SLC4A4: variants seen among roughly 807,000 people sequenced by gnomAD.
SLC4A4 encodes the protein electrogenic sodium bicarbonate cotransporter 1.
Under a neutral mutation model 111.5 loss-of-function variants are expected in SLC4A4, and 27 were observed. That is an observed-to-expected ratio of 0.24 (90% confidence interval 0.18 to 0.33). SLC4A4 has a LOEUF of 0.33. Among genes scored for constraint, SLC4A4 ranks in the 10% least tolerant of loss-of-function variants. The pLI is 1.00. For synonymous variants in SLC4A4, 443 were observed against 463.4 expected (o/e 0.96, Z 0.57); for missense variants, 909 against 1,315.5 (o/e 0.69, Z 4.78).
chr4:71,546,549 A>C (rs1735537417), intron 19 of SLC4A4, 21 bp downstream of exon 19: 1 of 1,607,004 alleles, frequency 6.2e-7, no homozygotes, highest in Non-Finnish European at 8.5e-7. Flanking sequence ...TCAGAGGAAA[A>C]TGGCTCCCGA....
chr4:71,451,650 A>G (rs1725771559), intron 11 of SLC4A4, among the ~76,000 whole-genome samples: 1 of 152,110 alleles, frequency 6.6e-6, no homozygotes, highest in African/African-American at 2.4e-5. Context: ...GAATGGCAAC[A>G]TTTGAAGAAA....
chr4:71,343,078 C>T (rs761697172), intron 4 of SLC4A4, among the ~76,000 whole-genome samples: 2 of 152,150 alleles, frequency 1.3e-5, no homozygotes, highest in Non-Finnish European at 2.9e-5. Context: ...GAGAGACTAC[C>T]ATGTCTGTTC....
At chr4:71,262,249 C>T (rs1200437302) in intron 3 of SLC4A4, among the ~76,000 whole-genome samples, 1 of 152,136 alleles carries the variant, frequency 6.6e-6, no homozygotes, top group Non-Finnish European at 1.5e-5. Flanking sequence ...AACAAGGGTT[C>T]TTAATACCAG....
chr4:71,163,867 G>C (rs1325610146), intron 2 of SLC4A4, among the ~76,000 whole-genome samples: 1 of 152,138 alleles, frequency 6.6e-6, no homozygotes, highest in Non-Finnish European at 1.5e-5. Flanking sequence ...GGCAACCTCT[G>C]GTTTAAACTA....
chr4:71,314,460 A>T (rs1051871489), intron 3 of SLC4A4, among the ~76,000 whole-genome samples: 7 of 152,232 alleles, frequency 4.6e-5, no homozygotes, highest in Non-Finnish European at 8.8e-5. Flanking sequence ...ATAAAGACAC[A>T]TGCACACGTA....
intron 3 of SLC4A4, among the ~76,000 whole-genome samples, chr4:71,286,264 C>T (rs1723913119): frequency 6.6e-6 from 1 of 152,084 alleles, no homozygotes; most frequent in Non-Finnish European, 1.5e-5. Flanking sequence ...GATTTCTGGG[C>T]TTCACTCTCA....
intron 1 of SLC4A4, 47 bp from the exon 2 acceptor site, chr4:71,236,529 C>A: frequency 6.4e-7 from 1 of 1,565,958 alleles, no homozygotes; most frequent in Non-Finnish European, 8.8e-7. Flanking sequence ...AAGTGGCTCG[C>A]TCCAGGAGAA....
chr4:71,231,609 G>T (rs535343106), intron 1 of SLC4A4, among the ~76,000 whole-genome samples: 63 of 152,302 alleles, frequency 4.1e-4, no homozygotes, highest in Non-Finnish European at 7.8e-4. Flanking sequence ...GGCCCTGAGT[G>T]GATTTTATAC....
intron 7 of SLC4A4, among the ~76,000 whole-genome samples, chr4:71,405,189 G>A (rs867150598): frequency 4.0e-4 from 61 of 151,900 alleles, no homozygotes; most frequent in African/African-American, 1.1e-3. Flanking sequence ...AGAATTTTCT[G>A]ATTCAAAATA....
At chr4:71,527,945 T>A (rs955463160) in intron 16 of SLC4A4, among the ~76,000 whole-genome samples, 8 of 152,074 alleles carry the variant, frequency 5.3e-5, no homozygotes, top group African/African-American at 1.9e-4. Context: ...GTCTGAACTC[T>A]GGAACACTGC....
intron 17 of SLC4A4, among the ~76,000 whole-genome samples, chr4:71,533,472 T>A (rs1245916057): frequency 6.6e-6 from 1 of 152,106 alleles, no homozygotes; most frequent in African/African-American, 2.4e-5. Flanking sequence ...TCTATTTTAG[T>A]TTTTTATTTG....
chr4:71,394,994 T>G (rs1410772234), intron 6 of SLC4A4, among the ~76,000 whole-genome samples: 5 of 151,944 alleles, frequency 3.3e-5, no homozygotes, highest in African/African-American at 1.2e-4. Context: ...GGGTGATGAG[T>G]GCATCAAAAT....
chr4:71,102,794 C>T (rs1307218319), intron 2 of SLC4A4, among the ~76,000 whole-genome samples: 24 of 151,362 alleles, frequency 1.6e-4, no homozygotes, highest in Non-Finnish European at 2.8e-4. Context: ...AAGGAACAAC[C>T]GGTACCAGCT....
chr4:71,427,787 G>A (rs1347452581), intron 7 of SLC4A4, among the ~76,000 whole-genome samples: 1 of 152,092 alleles, frequency 6.6e-6, no homozygotes, highest in African/African-American at 2.4e-5. Flanking sequence ...TTCACCAAGT[G>A]CATAGGCTTA....
intron 3 of SLC4A4, among the ~76,000 whole-genome samples, chr4:71,338,552 G>GTCT (rs967959400): frequency 1.4e-5 from 2 of 143,426 alleles, no homozygotes; most frequent in Non-Finnish European, 3.0e-5. Flanking sequence ...TTCTTTCGTC[G>GTCT]TCTTCTTCTT....
At chr4:71,332,918 C>T (rs1455083023) in intron 3 of SLC4A4, among the ~76,000 whole-genome samples, 3 of 152,170 alleles carry the variant, frequency 2.0e-5, no homozygotes, top group Admixed American at 6.5e-5. Flanking sequence ...TGAATTCCTT[C>T]TCTGTGTTAT....
chr4:71,100,091 C>T (rs531730858), intron 2 of SLC4A4, among the ~76,000 whole-genome samples: 1 of 152,140 alleles, frequency 6.6e-6, no homozygotes, highest in South Asian at 2.1e-4. Flanking sequence ...GACTCCTCCC[C>T]AACTCATTCT....
intron 3 of SLC4A4, among the ~76,000 whole-genome samples, chr4:71,332,605 C>T (rs998111064): frequency 3.3e-5 from 5 of 152,198 alleles, no homozygotes; most frequent in Admixed American, 1.3e-4. Context: ...CCACTGCGCC[C>T]GGCTAATTTT....
chr4:71,505,830 T>G (rs1280098932), intron 16 of SLC4A4, among the ~76,000 whole-genome samples: 1 of 152,102 alleles, frequency 6.6e-6, no homozygotes, highest in Non-Finnish European at 1.5e-5. Context: ...TGGGGTTTTA[T>G]GATTAAGTAT....
Sources: gnomAD v4.1 joint callset for allele counts (sites outside exome capture counted in the v4.1 genomes callset) on GRCh38, gnomAD v4.1.1 for gene constraint, MANE v1.5 for transcripts, NCBI Gene and HGNC (gene_info 2026-07-23, HGNC 2026-07-21) for gene names.